ESR2: variants seen among roughly 807,000 people sequenced by gnomAD.
ESR2 encodes the protein estrogen receptor 2.
ESR2 carries 36 observed loss-of-function variants against 49.6 expected under a neutral mutation model. The ratio of observed to expected loss-of-function variants is 0.73; its 90% CI spans 0.56 to 0.96. The LOEUF (loss-of-function observed/expected upper bound fraction) is 0.96, where lower values mean the gene tolerates loss of function less well. Among genes scored for constraint, ESR2 ranks in the 40% least tolerant of loss-of-function variants. The pLI is 0.00. For synonymous variants in ESR2, 320 were observed against 266.1 expected (o/e 1.20, Z -1.97); for missense variants, 714 against 693.0 (o/e 1.03, Z -0.34).
intron 3 of ESR2, among the ~76,000 whole-genome samples, chr14:64,273,169 GCTA>G (rs1282881780): frequency 6.6e-6 from 1 of 151,856 alleles, no homozygotes; most frequent in Non-Finnish European, 1.5e-5. Flanking sequence ...ATATAGAAAT[GCTA>G]CTGATCCTGC....
intron 4 of ESR2, among the ~76,000 whole-genome samples, chr14:64,266,879 A>T (rs1399661803): frequency 6.6e-6 from 1 of 152,070 alleles, no homozygotes; most frequent in African/African-American, 2.4e-5. Context: ...TTTCAACTAA[A>T]CTTCCTCCTC....
Position 64,235,099 on chromosome 14 carries a change from A to G in ESR2, c.1277T>C (p.Leu426Pro), listed in dbSNP as rs1217623435. The stretch of plus-strand genomic sequence containing the variant: ...GGTCACGGCGTTCAGCAAGTGAGCC[A>G]GCTTCCGGCTGCTGTCAGCATCCTG... Reference protein sequence around the residue: ...ATQDADSSRKLAHLLNAVTDA... With the variant: ...ATQDADSSRKPAHLLNAVTDA... The change falls in exon 8 of 9, where the codon CTG (leucine) becomes CCG (proline). Residue 426 changes from leucine (L) to proline (P), a missense_variant. By Grantham distance (98) the Leu-to-Pro change is moderately conservative. Transcript: ENST00000341099. The G allele has an allele frequency of 1.9e-6, 3 of 1,614,056 alleles. No individual in the cohort carries two copies. Among genetic ancestry groups the G allele is most frequent in the Non-Finnish European group, 2.5e-6 (3 of 1,180,032 alleles).
At chr14:64,298,122 A>G (rs920388076), upstream of ESR2, among the ~76,000 whole-genome samples, 10 of 152,218 alleles carry the variant, frequency 6.6e-5, no homozygotes, top group African/African-American at 2.4e-4. Context: ...TGACATTTGA[A>G]ACTTGAATTT....
chr14:64,231,610 G>A lies in ESR2; in HGVS notation c.*1527C>T, dbSNP rs2098727304. Reference sequence around the variant, plus strand: ...GTCTTACTAGCAAAAACCAGTCTTGGTAACACTGAATGCAGTCTTCCTAAT... The same window carrying A: ...GTCTTACTAGCAAAAACCAGTCTTGATAACACTGAATGCAGTCTTCCTAAT... On this transcript the variant is annotated 3_prime_UTR_variant, in exon 9 of 9. Coordinates refer to ENST00000341099, the MANE Select transcript of ESR2 (RefSeq NM_001437.3). 1 of 152,168 alleles carries A rather than the reference G, an allele frequency of 6.6e-6. No individual in the cohort carries two copies. Among genetic ancestry groups the A allele is most frequent in the Non-Finnish European group, 1.5e-5 (1 of 68,028 alleles). The allele number at this position is 152,168 out of a possible 1,614,324, so 9.4% of individuals were successfully genotyped here.
At chr14:64,256,751 C>CAAAAG (rs1050189172) in intron 6 of ESR2, among the ~76,000 whole-genome samples, 17 of 150,780 alleles carry the variant, frequency 1.1e-4, no homozygotes, top group African/African-American at 4.1e-4. Flanking sequence ...AAAAACAAAA[C>CAAAAG]AAAACAAAAC....
chr14:64,289,648 C>T (rs1353215126), intron 1 of ESR2, among the ~76,000 whole-genome samples: 1 of 152,058 alleles, frequency 6.6e-6, no homozygotes, highest in Non-Finnish European at 1.5e-5. Context: ...AATTTCCAGA[C>T]AAGTTACAAT....
intron 7 of ESR2, among the ~76,000 whole-genome samples, chr14:64,237,739 T>G (rs1402018244): frequency 6.6e-6 from 1 of 152,198 alleles, no homozygotes; most frequent in African/African-American, 2.4e-5. Flanking sequence ...AGATGAACCT[T>G]GAAAACATCA....
intron 1 of ESR2, among the ~76,000 whole-genome samples, chr14:64,311,644 GAAAAAAAAA>G (rs71123837): frequency 3.3e-5 from 3 of 91,846 alleles, no homozygotes; most frequent in Non-Finnish European, 4.3e-5. Context: ...CTCCATCTCA[GAAAAAAAAA>G]AAAAAAAAAA....
At chr14:64,282,217 C>T (rs996276284) in intron 2 of ESR2, among the ~76,000 whole-genome samples, 11 of 152,116 alleles carry the variant, frequency 7.2e-5, no homozygotes, top group Non-Finnish European at 7.4e-5. Context: ...TGGTGGCACG[C>T]GCCTGTAATC....
At chr14:64,267,222 A>G (rs1023643265) in intron 4 of ESR2, among the ~76,000 whole-genome samples, 2 of 152,164 alleles carry the variant, frequency 1.3e-5, no homozygotes, top group Admixed American at 6.5e-5. Context: ...GTCTTTTCCT[A>G]TTCATAATAT....
intron 1 of ESR2, among the ~76,000 whole-genome samples, chr14:64,325,712 C>CTTCTCAGA (rs2077380917): frequency 6.6e-6 from 1 of 152,106 alleles, no homozygotes; most frequent in African/African-American, 2.4e-5. Context: ...TTCCTTCCTC[C>CTTCTCAGA]TTCTCAGACT....
chr14:64,311,013 C>T (rs569968757), intron 1 of ESR2, among the ~76,000 whole-genome samples: 8 of 152,158 alleles, frequency 5.3e-5, no homozygotes, highest in Middle Eastern at 3.4e-3. Context: ...CATCCTTCCC[C>T]GCAAAATGGA....
At position 64,233,063 on chromosome 14, in the gene ESR2, C is replaced by T; in HGVS notation, c.*74G>A. On this transcript the variant is annotated 3_prime_UTR_variant, in exon 9 of 9. Transcript: ENST00000341099. ...GGACCACACAGCAGAAAGATGAAGCCCAGGCTCCTGACACACTGGAGTTCA... is the reference window on the plus strand; with the variant it reads ...GGACCACACAGCAGAAAGATGAAGCTCAGGCTCCTGACACACTGGAGTTCA... 7 of 1,550,030 alleles carry T rather than the reference C, an allele frequency of 4.5e-6. No individual in the cohort carries two copies. The highest frequency in any genetic ancestry group is 6.1e-6 in the Non-Finnish European group (7 of 1,144,724).
chr14:64,238,345 A>G (rs1023238871), intron 7 of ESR2, among the ~76,000 whole-genome samples: 1 of 151,946 alleles, frequency 6.6e-6, no homozygotes, highest in Non-Finnish European at 1.5e-5. Flanking sequence ...TCCATTTTAC[A>G]TATGGTGGGG....
At chr14:64,282,587 G>A in intron 2 of ESR2, 37 bp downstream of exon 2, 1 of 1,544,554 alleles carries the variant, frequency 6.5e-7, no homozygotes, top group Non-Finnish European at 8.8e-7. Flanking sequence ...TTGAGAAATG[G>A]CTAGCAACTA....
At chr14:64,260,127 A>C in intron 5 of ESR2, 4 of 541,778 alleles carry the variant, frequency 7.4e-6, no homozygotes, top group East Asian at 9.2e-5. Flanking sequence ...GCAAGGTGGT[A>C]TGGGATGCAT....
intron 1 of ESR2, chr14:64,330,808 C>T (rs968931165): frequency 6.6e-6 from 1 of 151,968 alleles, no homozygotes; most frequent in African/African-American, 2.4e-5. Context: ...ACCTGTAATC[C>T]CAGCTACTCG....
At chr14:64,328,359 C>T (rs760184135) in intron 1 of ESR2, among the ~76,000 whole-genome samples, 81 of 151,870 alleles carry the variant, frequency 5.3e-4, no homozygotes, top group Non-Finnish European at 8.7e-4. Flanking sequence ...GCAGAGGTTG[C>T]AGTGAGCTGA....
chr14:64,257,075 T>G (rs538122813), intron 6 of ESR2, 151 bp downstream of exon 6: 2 of 715,068 alleles, frequency 2.8e-6, no homozygotes, highest in South Asian at 3.6e-5. Flanking sequence ...TCTCCTTCTC[T>G]GGTTCTTGAC....
Sources: allele counts gnomAD v4.1 joint callset (sites outside exome capture counted in the v4.1 genomes callset), GRCh38; gene constraint gnomAD v4.1.1; transcripts MANE v1.5; gene names NCBI Gene and HGNC (gene_info 2026-07-23, HGNC 2026-07-21).